Variants in GTF2IRD1 observed in about 807,000 individuals in gnomAD.
GTF2IRD1 encodes the protein general transcription factor II-I repeat domain-containing protein 1.
A neutral mutation model predicts 113.2 loss-of-function variants in GTF2IRD1; 26 were observed. The observed-to-expected ratio is 0.23, with a 90% confidence interval of 0.17 to 0.32. The LOEUF (loss-of-function observed/expected upper bound fraction) is 0.32, where lower values mean the gene tolerates loss of function less well. Ranked by LOEUF, GTF2IRD1 falls within the 10% of genes least tolerant of loss-of-function variation. The pLI is 1.00. For missense variants in GTF2IRD1, 864 were observed against 1,280.8 expected, an observed-to-expected ratio of 0.67 and a Z score of 4.97; for synonymous variants, 484 against 529.1, an observed-to-expected ratio of 0.91 and a Z score of 1.17.
chr7:74,529,137 G>A (rs1356134384), intron 8 of GTF2IRD1, among the ~76,000 whole-genome samples: 1 of 152,150 alleles, frequency 6.6e-6, no homozygotes, highest in Non-Finnish European at 1.5e-5. Flanking sequence ...CACCAAGGGG[G>A]CGGCAGGGGT....
chr7:74,561,303 C>T (rs1297387943), intron 22 of GTF2IRD1, among the ~76,000 whole-genome samples: 1 of 148,020 alleles, frequency 6.8e-6, no homozygotes, highest in Non-Finnish European at 1.5e-5. Context: ...GAGCCGAGAT[C>T]GCGCGACTGC....
intron 17 of GTF2IRD1, among the ~76,000 whole-genome samples, chr7:74,554,229 CA>C (rs1799474249): frequency 6.6e-6 from 1 of 152,174 alleles, no homozygotes; most frequent in Admixed American, 6.5e-5. Context: ...CCCTTCTGGC[CA>C]GCATGATTTT....
At chr7:74,518,064 C>G in intron 4 of GTF2IRD1, 75 bp from the exon 5 acceptor site, 2 of 1,096,314 alleles carry the variant, frequency 1.8e-6, no homozygotes, top group Admixed American at 2.9e-5. Context: ...TGCCCCCACT[C>G]TGGGGCACAG....
At chr7:74,568,966 G>C (rs587596964) in intron 22 of GTF2IRD1, among the ~76,000 whole-genome samples, 1 of 152,176 alleles carries the variant, frequency 6.6e-6, no homozygotes, top group Admixed American at 6.5e-5. Context: ...CTTGGATGAC[G>C]CATCTGTGCC....
At chr7:74,521,440 G>A in intron 7 of GTF2IRD1, 143 bp downstream of exon 7, 1 of 658,186 alleles carries the variant, frequency 1.5e-6, no homozygotes, top group South Asian at 1.6e-5. Context: ...AGTAAACTGG[G>A]GTGTAATAGT....
chr7:74,534,169 A>G (rs782268948), intron 9 of GTF2IRD1, among the ~76,000 whole-genome samples: 1 of 152,236 alleles, frequency 6.6e-6, no homozygotes, highest in Non-Finnish European at 1.5e-5. Flanking sequence ...CGAATAAGTC[A>G]TTCAGAGTAG....
rs2130365537 is a variant in GTF2IRD1 at position 74,525,032 on chromosome 7, A to G, written c.1090+878A>G. Among the ~76,000 whole-genome samples, 2 of 151,332 alleles carry G rather than the reference A, an allele frequency of 1.3e-5. 1 individual carries two copies. Among genetic ancestry groups the G allele is most frequent in the Middle Eastern group, 6.8e-3 (2 of 294 alleles). Reference sequence around the variant, plus strand: ...AGCCTGGGTGACAGAGCGAGACCCTATCTCTACAAAAAAACAAACAAAACA... The same window carrying G: ...AGCCTGGGTGACAGAGCGAGACCCTGTCTCTACAAAAAAACAAACAAAACA... On this transcript the variant is annotated intron_variant, in intron 8 of 26. Coordinates refer to ENST00000424337, the MANE Select transcript of GTF2IRD1 (RefSeq NM_005685.4).
At chr7:74,532,043 A>T (rs781826651) in intron 9 of GTF2IRD1, among the ~76,000 whole-genome samples, 56 of 152,236 alleles carry the variant, frequency 3.7e-4, no homozygotes, top group Middle Eastern at 3.4e-3. Context: ...GATTTCTAGA[A>T]CTCAGAACTG....
chr7:74,508,415 G>A (rs1490408650), intron 2 of GTF2IRD1, among the ~76,000 whole-genome samples: 3 of 152,110 alleles, frequency 2.0e-5, no homozygotes, highest in Non-Finnish European at 2.9e-5. Flanking sequence ...CCTGGGGCCG[G>A]GCACAGTGGC....
intron 22 of GTF2IRD1, among the ~76,000 whole-genome samples, chr7:74,573,756 G>A (rs912571489): frequency 2.0e-5 from 3 of 152,068 alleles, no homozygotes; most frequent in Non-Finnish European, 2.9e-5. Context: ...GGACAAAAGA[G>A]GAGGGAGGTG....
In GTF2IRD1 at chr7:74,468,434, C is replaced by G. The variant is rs542693639; in HGVS notation, c.-7+14258C>G. Among the ~76,000 whole-genome samples, 6 of 151,204 alleles carry G rather than the reference C, an allele frequency of 4.0e-5. 1 individual carries two copies. The highest frequency in any genetic ancestry group is 1.5e-4 in the African/African-American group (6 of 41,202). On this transcript the variant is annotated intron_variant, in intron 1 of 26. Transcript: ENST00000424337. ...CAGCACTTTGGGAGGCTGAGACGCG[C>G]AGATCACAAGGTCAGGAGTTCAAGA...
intron 14 of GTF2IRD1, among the ~76,000 whole-genome samples, chr7:74,542,736 TGGCG>T (rs374710691): frequency 6.6e-5 from 10 of 152,362 alleles, no homozygotes; most frequent in African/African-American, 2.2e-4. Context: ...CAGCATGGCG[TGGCG>T]CCTAAGGAAT....
In GTF2IRD1 at chr7:74,515,485, G is replaced by C. The variant is rs373581144; in HGVS notation, c.310G>C (p.Val104Leu). 6.2e-7 allele frequency: 1 copy of C among 1,610,296 alleles called. No individual in the cohort carries two copies. The highest frequency in any genetic ancestry group is 8.5e-7 in the Non-Finnish European group (1 of 1,178,128). ...TCCGGAGGCAGAGCACCCCAAGAAGGTGCAGCGGGGCGAGGGTGGAGGCCG... is the reference window on the plus strand; with the variant it reads ...TCCGGAGGCAGAGCACCCCAAGAAGCTGCAGCGGGGCGAGGGTGGAGGCCG... ...KDPEAEHPKK[V>L]QRGEGGGRSL... The change falls in exon 4 of 27, where the codon GTG becomes CTG. Residue 104 changes from valine (V) to leucine (L), a missense_variant. Physicochemically the swap from Val to Leu is conservative, Grantham distance 32. Coordinates refer to ENST00000424337, the MANE Select transcript of GTF2IRD1 (RefSeq NM_005685.4).
chr7:74,564,183 C>G (rs1345107051), intron 22 of GTF2IRD1, among the ~76,000 whole-genome samples: 4 of 152,108 alleles, frequency 2.6e-5, no homozygotes, highest in African/African-American at 9.7e-5. Context: ...TGCACCATGA[C>G]ACTCGGCTAA....
chr7:74,484,840 A>AATAG (rs1554335321), intron 1 of GTF2IRD1, among the ~76,000 whole-genome samples: 2 of 152,108 alleles, frequency 1.3e-5, no homozygotes, highest in Admixed American at 6.6e-5. Flanking sequence ...GGACGCTGGG[A>AATAG]CGGTTTCTGC....
At chr7:74,502,421 A>G (rs1248661350) in intron 1 of GTF2IRD1, among the ~76,000 whole-genome samples, 3 of 152,228 alleles carry the variant, frequency 2.0e-5, no homozygotes, top group African/African-American at 7.2e-5. Context: ...GGGCTGCAGA[A>G]TAGGCTCGCA....
At chr7:74,585,619 C>G (rs587692083) in intron 22 of GTF2IRD1, among the ~76,000 whole-genome samples, 9 of 151,966 alleles carry the variant, frequency 5.9e-5, no homozygotes, top group Non-Finnish European at 1.0e-4. Context: ...TGGTGGTTCA[C>G]GTCTGTAATC....
At chr7:74,521,382 TG>T in intron 7 of GTF2IRD1, 85 bp downstream of exon 7, 3 of 821,756 alleles carry the variant, frequency 3.7e-6, no homozygotes, top group Non-Finnish European at 6.3e-6. Context: ...GTGTATCTCC[TG>T]GGTCTTTGTG....
intron 26 of GTF2IRD1, 114 bp from the exon 27 acceptor site, chr7:74,602,241 CAAAAAAATAA>C: frequency 8.2e-7 from 1 of 1,213,388 alleles, no homozygotes; most frequent in Non-Finnish European, 1.1e-6. Flanking sequence ...AACTCCATCT[CAAAAAAATAA>C]AAAATATAAA....
Sources: allele counts gnomAD v4.1 joint callset (sites outside exome capture counted in the v4.1 genomes callset), GRCh38; gene constraint gnomAD v4.1.1; transcripts MANE v1.5; gene names NCBI Gene and HGNC (gene_info 2026-07-23, HGNC 2026-07-21).